The following LVRN variants were observed in gnomAD, a reference collection of about 807,000 sequenced individuals.
LVRN encodes laeverin, also known as aminopeptidase Q.
Under a neutral mutation model 111.4 loss-of-function variants are expected in LVRN, and 99 were observed. The ratio of observed to expected loss-of-function variants is 0.89; its 90% CI spans 0.76 to 1.05. The LOEUF (loss-of-function observed/expected upper bound fraction) is 1.05. Ranked by LOEUF, LVRN falls within the 50% of genes least tolerant of loss-of-function variation. LVRN has a pLI of 0.00. For missense variants in LVRN, 1,414 were observed against 1,206.8 expected (o/e 1.17, Z -2.54); for synonymous variants, 488 against 449.5 (o/e 1.09, Z -1.08).
chr5:116,012,703 C>T (rs774032118), intron 15 of LVRN, among the ~76,000 whole-genome samples: 1 of 152,158 alleles, frequency 6.6e-6, no homozygotes, highest in Non-Finnish European at 1.5e-5. Context: ...GAGCTTATAG[C>T]TCTATATTCT....
intron 1 of LVRN, among the ~76,000 whole-genome samples, chr5:115,978,671 A>G (rs1282107915): frequency 6.6e-6 from 1 of 151,894 alleles, no homozygotes; most frequent in African/African-American, 2.4e-5. Flanking sequence ...CCCATCTTCC[A>G]CTCCCTACTC....
chr5:115,979,921 T>A (rs1320629644), intron 1 of LVRN, among the ~76,000 whole-genome samples: 1 of 152,140 alleles, frequency 6.6e-6, no homozygotes, highest in African/African-American at 2.4e-5. Flanking sequence ...TGTAGTAGAT[T>A]TTTGTTTATG....
chr5:116,018,523 G>A (rs1015118390), intron 18 of LVRN, among the ~76,000 whole-genome samples: 3 of 151,684 alleles, frequency 2.0e-5, no homozygotes, highest in Non-Finnish European at 2.9e-5. Context: ...AAATACAAAA[G>A]TAGCCAGGCA....
chr5:115,987,204 G>A (rs868366840), intron 3 of LVRN, among the ~76,000 whole-genome samples: 3 of 152,224 alleles, frequency 2.0e-5, no homozygotes, highest in Middle Eastern at 3.4e-3. Context: ...TGCTAAAGTG[G>A]AAGTGTCATT....
intron 4 of LVRN, among the ~76,000 whole-genome samples, chr5:115,989,147 G>A (rs933252895): frequency 1.3e-5 from 2 of 152,104 alleles, no homozygotes; most frequent in Non-Finnish European, 2.9e-5. Context: ...TCTTTCCAGA[G>A]AAAATCTGAT....
In LVRN at chr5:116,027,568, T is replaced by C. The variant is rs1306718218; in HGVS notation, c.*1450T>C. On this transcript the variant is annotated 3_prime_UTR_variant, in exon 20 of 20. Transcript: ENST00000357872. ...AGAATTTTTTCTTCAAATGTAGAAA[T>C]GTAAATTTTCAGCAATAAAATATCT... 1 of 152,186 alleles carries C rather than the reference T, an allele frequency of 6.6e-6. No individual in the cohort carries two copies. The highest frequency in any genetic ancestry group is 1.5e-5 in the Non-Finnish European group (1 of 68,032). 9.4% of individuals were successfully genotyped at this position (152,186 alleles called of 1,614,324 possible). A position where few individuals can be genotyped will look rare whatever the true frequency, so the allele number is the denominator to read the frequency against.
rs1748763393 is a variant in LVRN at position 116,022,929 on chromosome 5, AC to A, written c.2832+464del. ...GTCAGAGAGCAAGAGAGACGGACAG[AC>A]ACCCCTAAACACATTTCCTCTAGTT... is the stretch of plus-strand genomic sequence containing the variant. On this transcript the variant is annotated intron_variant, in intron 19 of 19. Transcript: ENST00000357872. Among the ~76,000 whole-genome samples the A allele has an allele frequency of 2.0e-5, 3 of 152,370 alleles. No homozygotes were observed. In the South Asian group the frequency reaches 6.2e-4, roughly 32 times the overall value.
At chr5:115,963,340 C>G (rs1224320803) in intron 1 of LVRN, 28 bp downstream of exon 1, 1 of 1,526,938 alleles carries the variant, frequency 6.5e-7, no homozygotes, top group South Asian at 1.3e-5. Flanking sequence ...CGGGGCCCCT[C>G]TCGGCCCCCG....
At position 115,962,823 on chromosome 5, in the gene LVRN, C is replaced by G. The variant is rs1383933117; in HGVS notation, c.206C>G (p.Thr69Ser). Residue 69 changes from threonine (T) to serine (S), a missense_variant, in exon 1 of 20, where the codon ACC becomes AGC. Transcript: ENST00000357872. The part of the protein sequence containing the change: ...SPPLRQKPTP[T>S]PKPSSARELA... ...CCCCTCAGGCAGAAGCCGACGCCAACCCCGAAACCCAGCAGTGCACGCGAG... is the reference window on the plus strand; with the variant it reads ...CCCCTCAGGCAGAAGCCGACGCCAAGCCCGAAACCCAGCAGTGCACGCGAG... 1.9e-6 allele frequency: 3 copies of G among 1,610,946 alleles called. No individual in the cohort carries two copies. The highest frequency in any genetic ancestry group is 2.5e-6 in the Non-Finnish European group (3 of 1,178,152).
Position 115,999,790 on chromosome 5 carries a change from A to G in LVRN, c.1403A>G (p.His468Arg), listed in dbSNP as rs978237008. ...GAGATCTTTTTTTCTAACATTTTAC[A>G]TAATATCCTCAGAGAAGATCACGCC... ...RNEIFFSNIL[H>R]NILREDHALV... The change falls in exon 7 of 20, where the codon CAT becomes CGT. Residue 468 changes from histidine (H) to arginine (R), a missense_variant. Transcript: ENST00000357872. 7 of 1,613,170 alleles carry G rather than the reference A, an allele frequency of 4.3e-6. No homozygotes were observed. The highest frequency in any genetic ancestry group is 4.0e-5 in the African/African-American group (3 of 74,886).
chr5:115,998,646 C>T (rs531688531), intron 6 of LVRN, among the ~76,000 whole-genome samples: 1 of 152,116 alleles, frequency 6.6e-6, no homozygotes, highest in Non-Finnish European at 1.5e-5. Flanking sequence ...CAGATGACTC[C>T]TCCAAATCCT....
chr5:116,014,528 G>A lies in LVRN; in HGVS notation c.2450+1G>A, dbSNP rs976967721. 3.1e-6 allele frequency: 5 copies of A among 1,608,786 alleles called. No homozygotes were observed. The African/African-American group carries it at 6.7e-5, about 22-fold the overall frequency. ...AATGGGTGGATCATCCAGAAAATGA[G>A]TAAGAGTAATATCATAATTCCTCTT... On this transcript the variant is annotated splice_donor_variant, in intron 16 of 19. Coordinates refer to ENST00000357872, the MANE Select transcript of LVRN (RefSeq NM_173800.5). LOFTEE classifies it high-confidence loss of function.
At chr5:116,014,337 T>G (rs1748553857) in intron 15 of LVRN, 83 bp from the exon 16 acceptor site, 1 of 1,004,100 alleles carries the variant, frequency 1.0e-6, no homozygotes, top group Non-Finnish European at 1.5e-6. Flanking sequence ...ACCCATCTTT[T>G]TATGAAACAC....
intron 6 of LVRN, among the ~76,000 whole-genome samples, chr5:115,995,023 G>T (rs1015257182): frequency 2.0e-5 from 3 of 151,960 alleles, no homozygotes; most frequent in East Asian, 1.9e-4. Flanking sequence ...TTGTTCCAAG[G>T]CTGGATTACT....
chr5:115,963,683 G>A (rs902441970), intron 1 of LVRN, among the ~76,000 whole-genome samples: 8 of 152,124 alleles, frequency 5.3e-5, no homozygotes, highest in African/African-American at 1.9e-4. Flanking sequence ...ACAGGAAGGG[G>A]AACATCACAC....
rs564439101 is a variant in LVRN, at chr5:116,000,575, A to T, written c.1582-18A>T. The T allele has an allele frequency of 9.4e-5, 152 of 1,613,528 alleles. No individual in the cohort carries two copies. The South Asian group carries it at 1.6e-3, about 17-fold the overall frequency. ...TGGCATGCTATTTATTTTAACCTTA[A>T]CTTTTCTATTTTTACAGTCATATTT... is the stretch of plus-strand genomic sequence containing the variant. On this transcript the variant is annotated intron_variant, in intron 8 of 19. Transcript: ENST00000357872.
At chr5:115,975,969 T>G (rs1451004027) in intron 1 of LVRN, 1 of 163,738 alleles carries the variant, frequency 6.1e-6, no homozygotes, top group Non-Finnish European at 1.5e-5. Flanking sequence ...TGACTAATGA[T>G]TCCAGATGTC....
chr5:116,000,513 T>C lies in LVRN; in HGVS notation c.1581+15T>C. 1 of 1,613,968 alleles carries C rather than the reference T, an allele frequency of 6.2e-7. No individual in the cohort carries two copies. The highest frequency in any genetic ancestry group is 8.5e-7 in the Non-Finnish European group (1 of 1,179,820). On this transcript the variant is annotated intron_variant, in intron 8 of 19. Coordinates refer to ENST00000357872, the MANE Select transcript of LVRN (RefSeq NM_173800.5). ...GTGCACTCAAGGTGAGTTTGCAAAATAGTCGTTACCTGGATGGCAGTAAAC... is the reference window on the plus strand; with the variant it reads ...GTGCACTCAAGGTGAGTTTGCAAAACAGTCGTTACCTGGATGGCAGTAAAC...
At chr5:115,977,378 C>A (rs1177460933) in intron 1 of LVRN, among the ~76,000 whole-genome samples, 1 of 152,112 alleles carries the variant, frequency 6.6e-6, no homozygotes, top group Non-Finnish European at 1.5e-5. Flanking sequence ...GTAGCATTTG[C>A]TTTGCTTGTT....
Sources: gnomAD v4.1 joint callset for allele counts (sites outside exome capture counted in the v4.1 genomes callset) on GRCh38, gnomAD v4.1.1 for gene constraint, MANE v1.5 for transcripts, NCBI Gene and HGNC (gene_info 2026-07-23, HGNC 2026-07-21) for gene names.